Variants in PCDHA13 observed in about 807,000 individuals in gnomAD.
PCDHA13 encodes the protein protocadherin alpha-13.
In PCDHA13, 54 loss-of-function variants were observed where a neutral mutation model predicts 64.8. That is an observed-to-expected ratio of 0.83 (90% CI 0.67 to 1.04). PCDHA13 has a LOEUF of 1.04. PCDHA13 is among the 50% of genes least tolerant of loss of function. The pLI is 0.00. For synonymous variants in PCDHA13, 587 were observed against 564.4 expected, an observed-to-expected ratio of 1.04 and a Z score of -0.57; for missense variants, 1,248 against 1,254.3, an observed-to-expected ratio of 0.99 and a Z score of 0.08.
At position 140,882,854 on chromosome 5, in the gene PCDHA13, C is replaced by T; in HGVS notation, c.586C>T (p.Leu196=). ...LEQMSSLSLV[L]RKTLDREEIQ... is the part of the protein sequence containing the mutation. ...GCAAATGTCTTCATTATCACTTGTA[C>T]TGAGGAAAACACTGGACAGAGAGGA... Residue 196 remains leucine (L), a synonymous_variant, in exon 1 of 4, where the codon CTG becomes TTG. Coordinates refer to ENST00000289272, the MANE Select transcript of PCDHA13 (RefSeq NM_018904.3). 6.2e-7 allele frequency: 1 copy of T among 1,614,196 alleles called. No homozygotes were observed. The highest frequency in any genetic ancestry group is 1.3e-5 in the African/African-American group (1 of 75,038).
chr5:140,970,193 G>C (rs1243334467), intron 1 of PCDHA13, among the ~76,000 whole-genome samples: 2 of 152,166 alleles, frequency 1.3e-5, no homozygotes, highest in African/African-American at 4.8e-5. Context: ...ATTGTAAGAG[G>C]ATTTCCCTGA....
At chr5:140,967,268 C>T in intron 1 of PCDHA13, 1 of 1,613,522 alleles carries the variant, frequency 6.2e-7, no homozygotes, top group Non-Finnish European at 8.5e-7. Context: ...AGCGCGCTTT[C>T]ACATAGAGAG....
At chr5:140,982,202 G>A (rs2096970508) in intron 2 of PCDHA13, 2 of 405,606 alleles carry the variant, frequency 4.9e-6, no homozygotes, top group Non-Finnish European at 8.1e-6. Context: ...GTTAGATTTA[G>A]TGAGCGCCAC....
chr5:140,949,075 C>G (rs1459435331), intron 1 of PCDHA13, among the ~76,000 whole-genome samples: 1 of 151,470 alleles, frequency 6.6e-6, no homozygotes, highest in Non-Finnish European at 1.5e-5. Flanking sequence ...ACTCTTTCAC[C>G]CATTTATTAC....
chr5:140,900,214 T>C (rs782509259), intron 1 of PCDHA13, among the ~76,000 whole-genome samples: 3 of 152,216 alleles, frequency 2.0e-5, no homozygotes, highest in Non-Finnish European at 4.4e-5. Flanking sequence ...ATCCAGGTTG[T>C]TGCAAATGAC....
At chr5:140,893,409 T>C (rs2153442529) in intron 1 of PCDHA13, among the ~76,000 whole-genome samples, 1 of 152,154 alleles carries the variant, frequency 6.6e-6, no homozygotes, top group South Asian at 2.1e-4. Context: ...TCCCAGCACT[T>C]AGGGAGGCAG....
At chr5:140,925,408 G>C (rs2082482597) in intron 1 of PCDHA13, among the ~76,000 whole-genome samples, 1 of 152,058 alleles carries the variant, frequency 6.6e-6, no homozygotes, top group Non-Finnish European at 1.5e-5. Flanking sequence ...TCCTTCTTAG[G>C]GAAAGGAACT....
At chr5:140,909,972 T>C (rs948733470) in intron 1 of PCDHA13, among the ~76,000 whole-genome samples, 1 of 152,220 alleles carries the variant, frequency 6.6e-6, no homozygotes. Context: ...TGGGGAAGGA[T>C]GGGAGAAAGA....
intron 1 of PCDHA13, chr5:140,966,979 C>T (rs1554229021): frequency 2.5e-6 from 4 of 1,603,612 alleles, no homozygotes; most frequent in Admixed American, 1.7e-5. Context: ...AGCTGCGGCG[C>T]TTGGGGCCGG....
In PCDHA13 at chr5:140,928,366, C is replaced by T. The variant is rs73793524; in HGVS notation, c.2394+43704C>T. 1.5e-3 allele frequency: 2,439 copies of T among 1,614,110 alleles called. 35 individuals carry two copies. In the African/African-American group the frequency reaches 0.03, roughly 20 times the overall value. ...GCTGTTGGATGTTATCTCTGAAGGG[C>T]CATCAGCCTCTAGCTTGCTGGCAGT... On this transcript the variant is annotated intron_variant, in intron 1 of 3. Coordinates refer to ENST00000289272, the MANE Select transcript of PCDHA13 (RefSeq NM_018904.3).
intron 1 of PCDHA13, among the ~76,000 whole-genome samples, chr5:140,931,344 A>G (rs1233861770): frequency 6.6e-6 from 1 of 151,910 alleles, no homozygotes; most frequent in East Asian, 1.9e-4. Flanking sequence ...GGAGTGAGGA[A>G]TTTTTTTTAG....
intron 1 of PCDHA13, chr5:140,967,692 G>C (rs781940460): frequency 6.2e-7 from 1 of 1,614,196 alleles, no homozygotes; most frequent in Admixed American, 1.7e-5. Flanking sequence ...CAGCTCTTCA[G>C]CATAGATGCC....
chr5:140,927,821 T>C (rs1554205108), intron 1 of PCDHA13: 1 of 1,614,118 alleles, frequency 6.2e-7, no homozygotes, highest in South Asian at 1.1e-5. Context: ...GAGGCATACA[T>C]TGAGGCGAGG....
At chr5:140,970,121 G>C (rs1230320134) in intron 1 of PCDHA13, among the ~76,000 whole-genome samples, 1 of 152,184 alleles carries the variant, frequency 6.6e-6, no homozygotes, top group Non-Finnish European at 1.5e-5. Flanking sequence ...GCTGGGATTA[G>C]AAGGAAGAGA....
At chr5:140,937,906 C>T (rs1235683629) in intron 1 of PCDHA13, among the ~76,000 whole-genome samples, 6 of 130,108 alleles carry the variant, frequency 4.6e-5, no homozygotes, top group African/African-American at 6.4e-5. Context: ...AGTGAGACTC[C>T]GTCTCAAAAA....
chr5:140,884,811 T>C (rs782097563), intron 1 of PCDHA13, 149 bp downstream of exon 1: 155 of 1,119,034 alleles, frequency 1.4e-4, no homozygotes, highest in Non-Finnish European at 1.9e-4. Context: ...AACTCTGCTG[T>C]GGACATTATG....
chr5:140,922,939 T>C (rs1206981483), intron 1 of PCDHA13, among the ~76,000 whole-genome samples: 1 of 152,172 alleles, frequency 6.6e-6, no homozygotes, highest in Non-Finnish European at 1.5e-5. Flanking sequence ...CTTCCAGCAA[T>C]GGAAATCCAG....
At chr5:140,904,091 C>A (rs536225769) in intron 1 of PCDHA13, among the ~76,000 whole-genome samples, 16 of 152,082 alleles carry the variant, frequency 1.1e-4, no homozygotes, top group Non-Finnish European at 1.8e-4. Flanking sequence ...ACATGAATAA[C>A]TACTTTAGTG....
In PCDHA13 at chr5:140,912,862, T is replaced by C. The variant is rs181526076; in HGVS notation, c.2394+28200T>C. On this transcript the variant is annotated intron_variant, in intron 1 of 3. Coordinates refer to ENST00000289272, the MANE Select transcript of PCDHA13 (RefSeq NM_018904.3). Reference sequence around the variant, plus strand: ...GCTTTTTCAGCATCAATTGAAATGATATATGGTTTTTGGTCTTCATTCTGT... The same window carrying C: ...GCTTTTTCAGCATCAATTGAAATGACATATGGTTTTTGGTCTTCATTCTGT... Among the ~76,000 whole-genome samples, 6 of 152,338 alleles carry C rather than the reference T, an allele frequency of 3.9e-5. No individual in the cohort carries two copies. In the East Asian group the frequency reaches 1.2e-3, roughly 29 times the overall value.
Sources: gnomAD v4.1 joint callset for allele counts (sites outside exome capture counted in the v4.1 genomes callset) on GRCh38, gnomAD v4.1.1 for gene constraint, MANE v1.5 for transcripts, NCBI Gene and HGNC (gene_info 2026-07-23, HGNC 2026-07-21) for gene names.